Variants in RBFOX1 observed in about 807,000 individuals in gnomAD.
RBFOX1 encodes the protein RNA binding protein fox-1 homolog 1.
A neutral mutation model predicts 57.7 loss-of-function variants in RBFOX1; 8 were observed. The observed-to-expected ratio is 0.14, with a 90% confidence interval of 0.08 to 0.25. The LOEUF is 0.25. Among genes scored for constraint, RBFOX1 ranks in the 10% least tolerant of loss-of-function variants. The pLI, the probability that RBFOX1 is intolerant of heterozygous loss-of-function variation, is 1.00. For synonymous variants in RBFOX1, 326 were observed against 222.4 expected, an observed-to-expected ratio of 1.47 and a Z score of -4.15; for missense variants, 611 against 548.5, an observed-to-expected ratio of 1.11 and a Z score of -1.14.
intron 1 of RBFOX1, among the ~76,000 whole-genome samples, chr16:5,449,467 C>T (rs1336763551): frequency 6.6e-6 from 1 of 152,198 alleles, no homozygotes; most frequent in African/African-American, 2.4e-5. Context: ...ATATCAGACC[C>T]TAAACACTAC....
chr16:5,678,932 A>T (rs2050248062), intron 3 of RBFOX1, among the ~76,000 whole-genome samples: 2 of 152,194 alleles, frequency 1.3e-5, no homozygotes, highest in Non-Finnish European at 2.9e-5. Flanking sequence ...AATTAATGGT[A>T]ATGCGGAGGA....
At chr16:5,497,467 T>C (rs1362593447) in intron 2 of RBFOX1, among the ~76,000 whole-genome samples, 1 of 152,122 alleles carries the variant, frequency 6.6e-6, no homozygotes, top group Non-Finnish European at 1.5e-5. Context: ...GAAGCACTTT[T>C]AGCCAAGAGA....
chr16:5,822,662 T>G (rs2055896841), intron 3 of RBFOX1, among the ~76,000 whole-genome samples: 1 of 152,104 alleles, frequency 6.6e-6, no homozygotes, highest in Non-Finnish European at 1.5e-5. Flanking sequence ...AATTACGGAA[T>G]TATGTCTTGT....
intron 3 of RBFOX1, among the ~76,000 whole-genome samples, chr16:6,661,301 G>A (rs999026446): frequency 2.6e-5 from 4 of 152,184 alleles, no homozygotes; most frequent in Admixed American, 6.5e-5. Context: ...AGGCTCTGTC[G>A]GTCTATGAAA....
intron 4 of RBFOX1, among the ~76,000 whole-genome samples, chr16:7,203,855 G>T (rs544274403): frequency 2.6e-5 from 4 of 152,208 alleles, no homozygotes; most frequent in African/African-American, 4.8e-5. Flanking sequence ...AGAAATCTAA[G>T]TTTGTCCAGA....
intron 3 of RBFOX1, among the ~76,000 whole-genome samples, chr16:5,676,252 TA>T (rs5815262): frequency 0.18 from 25,719 of 145,020 alleles, 2,860 homozygotes; most frequent in East Asian, 0.33. Flanking sequence ...TAAAGTGAAA[TA>T]AAAAAAAAAA....
At chr16:7,022,777 C>T (rs1022316764) in intron 3 of RBFOX1, among the ~76,000 whole-genome samples, 13 of 152,156 alleles carry the variant, frequency 8.5e-5, no homozygotes, top group African/African-American at 3.1e-4. Flanking sequence ...TATATTAGCT[C>T]ATTTTATCCA....
rs575053337 is a variant in RBFOX1, at chr16:7,397,822, C to T, written c.28-120325C>T. On this transcript the variant is annotated intron_variant, in intron 4 of 15. Coordinates refer to ENST00000550418, the MANE Select transcript of RBFOX1 (RefSeq NM_018723.4). ...GAGTTCTGGGTTCAAGTCTTGTCCA[C>T]GTCCCAAGCTGTGGAACTCTGAATA... Among the ~76,000 whole-genome samples the T allele has an allele frequency of 1.8e-4, 28 of 152,088 alleles. 1 individual carries two copies. The highest frequency in any genetic ancestry group is 2.8e-4 in the Non-Finnish European group (19 of 68,008).
intron 14 of RBFOX1, among the ~76,000 whole-genome samples, chr16:7,707,678 C>T (rs2082922741): frequency 6.6e-6 from 1 of 152,166 alleles, no homozygotes. Context: ...GTGCATCACT[C>T]ACTCCTCAGG....
intron 4 of RBFOX1, among the ~76,000 whole-genome samples, chr16:7,260,791 G>C (rs536931461): frequency 7.9e-5 from 12 of 152,286 alleles, no homozygotes; most frequent in African/African-American, 2.6e-4. Flanking sequence ...CCGAACAGCA[G>C]GGTCCTTGGA....
chr16:6,991,963 G>T (rs989239448), intron 3 of RBFOX1, among the ~76,000 whole-genome samples: 2 of 152,184 alleles, frequency 1.3e-5, no homozygotes, highest in African/African-American at 4.8e-5. Flanking sequence ...CCCAGATCCT[G>T]TGTTGTTAAC....
At chr16:7,363,287 G>A (rs181059013) in intron 4 of RBFOX1, among the ~76,000 whole-genome samples, 1 of 152,136 alleles carries the variant, frequency 6.6e-6, no homozygotes, top group East Asian at 1.9e-4. Context: ...CTGTCAAGCT[G>A]TTGAGAAATC....
chr16:6,197,055 T>C (rs2097184213), intron 1 of RBFOX1, among the ~76,000 whole-genome samples: 1 of 152,152 alleles, frequency 6.6e-6, no homozygotes, highest in Non-Finnish European at 1.5e-5. Flanking sequence ...GTTAAATCCA[T>C]TAGTTAAAAA....
intron 3 of RBFOX1, among the ~76,000 whole-genome samples, chr16:6,741,318 C>T (rs146717941): frequency 6.6e-5 from 10 of 152,026 alleles, no homozygotes; most frequent in East Asian, 5.8e-4. Context: ...ACTTAGAGCT[C>T]GGTGACATGC....
chr16:6,419,421 G>A (rs2093714215), intron 2 of RBFOX1, among the ~76,000 whole-genome samples: 1 of 152,154 alleles, frequency 6.6e-6, no homozygotes, highest in African/African-American at 2.4e-5. Flanking sequence ...GTGTCTCTAA[G>A]TAGCAGCTGC....
At chr16:7,087,876 T>A (rs749165729) in intron 4 of RBFOX1, among the ~76,000 whole-genome samples, 1 of 152,156 alleles carries the variant, frequency 6.6e-6, no homozygotes, top group Non-Finnish European at 1.5e-5. Context: ...TAGTGTCTCT[T>A]CCTCTGTCTC....
chr16:7,343,266 A>G (rs1214562923), intron 4 of RBFOX1, among the ~76,000 whole-genome samples: 1 of 152,140 alleles, frequency 6.6e-6, no homozygotes, highest in Non-Finnish European at 1.5e-5. Context: ...TCGGGGGGAA[A>G]TTGTAGCTCT....
At chr16:5,374,433 G>C (rs1034928936) in intron 1 of RBFOX1, among the ~76,000 whole-genome samples, 2 of 152,158 alleles carry the variant, frequency 1.3e-5, no homozygotes, top group Admixed American at 6.5e-5. Flanking sequence ...ATTGTGGAGA[G>C]GAATTCCAGG....
At chr16:6,978,027 G>A (rs533382258) in intron 3 of RBFOX1, among the ~76,000 whole-genome samples, 3 of 151,156 alleles carry the variant, frequency 2.0e-5, no homozygotes, top group Admixed American at 6.6e-5. Context: ...TATTTTCTGG[G>A]TCCCCCAAGC....
Sources: gnomAD v4.1 joint callset for allele counts (sites outside exome capture counted in the v4.1 genomes callset) on GRCh38, gnomAD v4.1.1 for gene constraint, MANE v1.5 for transcripts, NCBI Gene and HGNC (gene_info 2026-07-23, HGNC 2026-07-21) for gene names.